ATG4C: variants seen among roughly 807,000 people sequenced by gnomAD.
ATG4C encodes autophagy related 4C cysteine peptidase.
Under a neutral mutation model 57.6 loss-of-function variants are expected in ATG4C, and 56 were observed. That is an observed-to-expected ratio of 0.97 (90% confidence interval 0.78 to 1.21). The LOEUF (loss-of-function observed/expected upper bound fraction) is 1.21. Among genes scored for constraint, ATG4C ranks in the 50% most tolerant of loss-of-function variants. The pLI, the probability that ATG4C is intolerant of heterozygous loss-of-function variation, is 0.00. For synonymous variants in ATG4C, 157 were observed against 174.1 expected, an observed-to-expected ratio of 0.90 and a Z score of 0.78; for missense variants, 595 against 529.8, an observed-to-expected ratio of 1.12 and a Z score of -1.21.
chr1:62,828,223 A>G (rs1665728545), intron 6 of ATG4C, among the ~76,000 whole-genome samples: 3 of 152,138 alleles, frequency 2.0e-5, no homozygotes, highest in South Asian at 4.1e-4. Context: ...AGGAATTGCT[A>G]TACTGCTTTC....
intron 6 of ATG4C, among the ~76,000 whole-genome samples, chr1:62,824,398 A>C (rs187172551): frequency 2.6e-5 from 4 of 152,314 alleles, no homozygotes; most frequent in Admixed American, 6.5e-5. Flanking sequence ...TTGATAGCTC[A>C]GTCTAAATTT....
intron 10 of ATG4C, among the ~76,000 whole-genome samples, chr1:62,850,835 T>C (rs1666483217): frequency 1.2e-5 from 1 of 84,726 alleles, no homozygotes; most frequent in Admixed American, 1.4e-4. Flanking sequence ...GTATCATGTA[T>C]GTATGTGTGT....
At chr1:62,834,237 A>G (rs1665929040) in intron 8 of ATG4C, 121 bp downstream of exon 8, 2 of 769,290 alleles carry the variant, frequency 2.6e-6, no homozygotes, top group South Asian at 2.0e-5. Flanking sequence ...TACATTCATC[A>G]GTCCTACTAT....
At chr1:62,821,298 T>G (rs1557974808) in intron 6 of ATG4C, 89 bp downstream of exon 6, 2 of 768,154 alleles carry the variant, frequency 2.6e-6, no homozygotes, top group Admixed American at 5.9e-5. Context: ...TGTAAATGAT[T>G]ATGAAGGTAG....
intron 2 of ATG4C, 121 bp from the exon 3 acceptor site, chr1:62,805,051 A>G (rs1382005433): frequency 2.1e-5 from 28 of 1,354,498 alleles, no homozygotes; most frequent in Non-Finnish European, 2.5e-5. Flanking sequence ...GTTGCCAAAA[A>G]TGCACATCCA....
intron 10 of ATG4C, among the ~76,000 whole-genome samples, chr1:62,842,646 A>G (rs1220540371): frequency 2.0e-5 from 3 of 152,180 alleles, no homozygotes; most frequent in Non-Finnish European, 4.4e-5. Context: ...TTTACAATGT[A>G]AAAATGGAAT....
intron 6 of ATG4C, among the ~76,000 whole-genome samples, chr1:62,828,770 T>C (rs1426549569): frequency 6.6e-6 from 1 of 152,040 alleles, no homozygotes; most frequent in Non-Finnish European, 1.5e-5. Context: ...TCTTCTAGGG[T>C]TTTTATAGTT....
rs1468602422 is a variant in ATG4C at position 62,784,243 on chromosome 1, A to T, written c.-99A>T. ...TTTGCCGGGTTGGTGGCTCCTGCAC[A>T]TTTTTACAGTTCTCCAGTCCTTCTC... On this transcript the variant is annotated 5_prime_UTR_variant, in exon 1 of 11. Coordinates refer to ENST00000317868, the MANE Select transcript of ATG4C (RefSeq NM_032852.4). 1 of 152,716 alleles carries T rather than the reference A, an allele frequency of 6.5e-6. No homozygotes were observed. Among genetic ancestry groups the T allele is most frequent in the African/African-American group, 2.4e-5 (1 of 41,402 alleles). The allele number at this position is 152,716 out of a possible 1,614,324, so 9.5% of individuals were successfully genotyped here.
intron 10 of ATG4C, among the ~76,000 whole-genome samples, chr1:62,850,282 C>T (rs1666464414): frequency 6.6e-6 from 1 of 152,134 alleles, no homozygotes; most frequent in Admixed American, 6.5e-5. Flanking sequence ...TCACCACTCT[C>T]ATTATTACCC....
chr1:62,858,326 G>A (rs1194563271), intron 10 of ATG4C, among the ~76,000 whole-genome samples: 1 of 152,192 alleles, frequency 6.6e-6, no homozygotes, highest in African/African-American at 2.4e-5. Flanking sequence ...GGAGGTGGTA[G>A]TGGTTACACC....
chr1:62,803,722 G>A lies in ATG4C; in HGVS notation c.-65G>A, dbSNP rs1418872493. The A allele has an allele frequency of 8.8e-7, 1 of 1,137,120 alleles. No individual in the cohort carries two copies. The highest frequency in any genetic ancestry group is 1.3e-6 in the Non-Finnish European group (1 of 784,694). The allele number at this position is 1,137,120 out of a possible 1,614,324, so 70.4% of individuals were successfully genotyped here. A position where few individuals can be genotyped will look rare whatever the true frequency, so the allele number is the denominator to read the frequency against. ...TTTTTTTCCTTAATTTTTAAAGTCA[G>A]TATAAAAGATTAAACTCTACAGAAG... On this transcript the variant is annotated 5_prime_UTR_variant, in exon 2 of 11. Transcript: ENST00000317868.
At chr1:62,820,140 A>T (rs1230648179) in intron 5 of ATG4C, among the ~76,000 whole-genome samples, 1 of 152,188 alleles carries the variant, frequency 6.6e-6, no homozygotes, top group East Asian at 1.9e-4. Context: ...TAATGTTATT[A>T]ATTTGATTGT....
intron 4 of ATG4C, among the ~76,000 whole-genome samples, chr1:62,818,783 A>G (rs79210854): frequency 0.089 from 13,493 of 152,108 alleles, 777 homozygotes; most frequent in Non-Finnish European, 0.12. Context: ...ATTTTAGAAC[A>G]CTTTTATCAT....
At chr1:62,791,397 T>A (rs1026195521) in intron 1 of ATG4C, among the ~76,000 whole-genome samples, 8 of 152,224 alleles carry the variant, frequency 5.3e-5, no homozygotes, top group African/African-American at 1.9e-4. Context: ...TTGGAAATGG[T>A]CTTATCCATT....
At chr1:62,825,765 C>G (rs911533413) in intron 6 of ATG4C, among the ~76,000 whole-genome samples, 4 of 152,180 alleles carry the variant, frequency 2.6e-5, no homozygotes, top group African/African-American at 9.7e-5. Context: ...TTCCCCTCCT[C>G]CAGTCTTCCA....
chr1:62,807,200 A>C (rs1664909781), intron 3 of ATG4C, among the ~76,000 whole-genome samples: 1 of 152,184 alleles, frequency 6.6e-6, no homozygotes, highest in Non-Finnish European at 1.5e-5. Context: ...TTCCTGACTC[A>C]GAGCTCCTAA....
intron 7 of ATG4C, among the ~76,000 whole-genome samples, chr1:62,831,580 A>G (rs1665840729): frequency 6.6e-6 from 1 of 152,152 alleles, no homozygotes; most frequent in Non-Finnish European, 1.5e-5. Flanking sequence ...AGGACCTGGA[A>G]TGAGGAAAAT....
At chr1:62,804,087 T>C (rs1027571546) in intron 2 of ATG4C, among the ~76,000 whole-genome samples, 3 of 141,220 alleles carry the variant, frequency 2.1e-5, no homozygotes, top group Admixed American at 7.1e-5. Flanking sequence ...GTCTCCTTTT[T>C]TCTTTTTTTT....
chr1:62,844,378 AT>A (rs973423916), intron 10 of ATG4C, among the ~76,000 whole-genome samples: 41 of 152,338 alleles, frequency 2.7e-4, no homozygotes, highest in African/African-American at 9.6e-4. Context: ...GTACAAGGCT[AT>A]TTAGGTTAAA....
Sources: allele counts gnomAD v4.1 joint callset (sites outside exome capture counted in the v4.1 genomes callset), GRCh38; gene constraint gnomAD v4.1.1; transcripts MANE v1.5; gene names NCBI Gene and HGNC (gene_info 2026-07-23, HGNC 2026-07-21).